RTN4IP1: variants seen among roughly 807,000 people sequenced by gnomAD.
RTN4IP1 encodes the protein reticulon 4 interacting protein 1, also known as NAD(P)H oxidoreductase RTN4IP1, mitochondrial.
Under a neutral mutation model 46.6 loss-of-function variants are expected in RTN4IP1, and 32 were observed. The ratio of observed to expected loss-of-function variants is 0.69; its 90% confidence interval spans 0.52 to 0.92. The LOEUF (loss-of-function observed/expected upper bound fraction) is 0.92, where lower values mean the gene tolerates loss of function less well. Among genes scored for constraint, RTN4IP1 ranks in the 40% least tolerant of loss-of-function variants. The probability of loss-of-function intolerance (pLI) is 0.00; values close to 1 mark genes in which losing one functional copy is unlikely to be tolerated. For missense variants in RTN4IP1, 424 were observed against 485.8 expected (o/e 0.87, Z 1.20); for synonymous variants, 167 against 161.8 (o/e 1.03, Z -0.24).
chr6:106,617,212 T>C (rs933080161), intron 4 of RTN4IP1, among the ~76,000 whole-genome samples: 1 of 152,230 alleles, frequency 6.6e-6, no homozygotes, highest in South Asian at 2.1e-4. Context: ...TATTTTGTGA[T>C]AATAGCCTGA....
At chr6:106,586,531 TGG>T (rs933158701) in intron 7 of RTN4IP1, among the ~76,000 whole-genome samples, 12 of 151,972 alleles carry the variant, frequency 7.9e-5, no homozygotes, top group African/African-American at 2.2e-4. Flanking sequence ...CCAACATACC[TGG>T]CAAATTTTTT....
intron 7 of RTN4IP1, chr6:106,583,711 C>T (rs1187720545): frequency 3.0e-6 from 1 of 331,804 alleles, no homozygotes; most frequent in African/African-American, 2.1e-5. Flanking sequence ...AAATGATCAT[C>T]TAAATGGTTT....
At chr6:106,597,158 G>C (rs1273789870) in intron 5 of RTN4IP1, among the ~76,000 whole-genome samples, 1 of 152,156 alleles carries the variant, frequency 6.6e-6, no homozygotes, top group Non-Finnish European at 1.5e-5. Context: ...CCTTAGAAAA[G>C]TGATGTGTCT....
intron 4 of RTN4IP1, among the ~76,000 whole-genome samples, chr6:106,611,367 C>T (rs1425925425): frequency 2.6e-5 from 4 of 152,064 alleles, no homozygotes; most frequent in Non-Finnish European, 5.9e-5. Context: ...CAAAATTGCC[C>T]CAGATTTATA....
chr6:106,605,816 C>CACAAAAA (rs1776053742), intron 4 of RTN4IP1, among the ~76,000 whole-genome samples: 1 of 4,490 alleles, frequency 2.2e-4, no homozygotes, highest in Non-Finnish European at 8.3e-4. Flanking sequence ...GACTCTGTCC[C>CACAAAAA]AAAAAAAAAA....
In RTN4IP1 at chr6:106,614,835, A is replaced by G. The variant is rs544087108; in HGVS notation, c.620+4367T>C. 3.3e-5 allele frequency among the ~76,000 whole-genome samples: 5 copies of G among 152,288 alleles called. No homozygotes were observed. The South Asian group carries it at 6.2e-4, about 19-fold the overall frequency. On this transcript the variant is annotated intron_variant, in intron 4 of 8. Coordinates refer to ENST00000369063, the MANE Select transcript of RTN4IP1 (RefSeq NM_032730.5). The stretch of plus-strand genomic sequence containing the variant: ...AAGGCTAGAAGCTAGATTACAGTCC[A>G]TTGAAGAGTAAATGACTTGTAACCT...
chr6:106,592,887 C>T (rs1775698258), intron 5 of RTN4IP1, among the ~76,000 whole-genome samples: 1 of 151,904 alleles, frequency 6.6e-6, no homozygotes, highest in South Asian at 2.1e-4. Flanking sequence ...CAAGATCGTG[C>T]CATCGCACTC....
chr6:106,629,065 G>A lies in RTN4IP1; in HGVS notation c.-44C>T. 4 of 1,559,482 alleles carry A rather than the reference G, an allele frequency of 2.6e-6. No homozygotes were observed. Among genetic ancestry groups the A allele is most frequent in the Non-Finnish European group, 3.5e-6 (4 of 1,151,380 alleles). On this transcript the variant is annotated 5_prime_UTR_variant, in exon 1 of 9. Coordinates refer to ENST00000369063, the MANE Select transcript of RTN4IP1 (RefSeq NM_032730.5). Reference sequence around the variant, plus strand: ...TGCGTGCTCAAATTCAAATACACTTGGACTGGATCAAACTCTCACCCCTGA... The same window carrying A: ...TGCGTGCTCAAATTCAAATACACTTAGACTGGATCAAACTCTCACCCCTGA...
Position 106,600,049 on chromosome 6 carries a change from G to A in RTN4IP1, c.669+2825C>T, listed in dbSNP as rs538992828. Among the ~76,000 whole-genome samples the A allele has an allele frequency of 2.0e-5, 3 of 151,996 alleles. No homozygotes were observed. The South Asian group carries it at 6.2e-4, about 32-fold the overall frequency. The stretch of plus-strand genomic sequence containing the variant: ...CTGGATTGGATTCTGATTATCAAAT[G>A]ATGAGTTAAAAGAAGTTAAAGTGTG... On this transcript the variant is annotated intron_variant, in intron 5 of 8. Transcript: ENST00000369063.
intron 3 of RTN4IP1, among the ~76,000 whole-genome samples, chr6:106,619,833 G>T: frequency 6.6e-6 from 1 of 151,658 alleles, no homozygotes; most frequent in African/African-American, 2.4e-5. Context: ...AGATGGTCTC[G>T]ATCTCCTGAC....
chr6:106,587,709 T>A lies in RTN4IP1; in HGVS notation c.960A>T (p.Thr320=), dbSNP rs1451777982. 3 of 1,613,180 alleles carry A rather than the reference T, an allele frequency of 1.9e-6. No individual in the cohort carries two copies. Among genetic ancestry groups the A allele is most frequent in the Non-Finnish European group, 2.5e-6 (3 of 1,179,870 alleles). ...RLGIADGMLQ[T]GVTVGSKALK... is the part of the protein sequence containing the mutation. ...ATGCCTTTGAACCTACAGTGACTCC[T>A]GTCTGCAACATGCCATCTGCTATGC... Residue 320 remains threonine, a synonymous_variant, in exon 7 of 9, where the codon ACA becomes ACT. Transcript: ENST00000369063.
At chr6:106,605,735 T>C (rs1776048439) in intron 4 of RTN4IP1, among the ~76,000 whole-genome samples, 1 of 142,280 alleles carries the variant, frequency 7.0e-6, no homozygotes, top group Non-Finnish European at 1.5e-5. Flanking sequence ...GAGAATAGCA[T>C]GAACCCGGGA....
intron 4 of RTN4IP1, among the ~76,000 whole-genome samples, chr6:106,618,712 CATTGAGACTG>C (rs1262746966): frequency 1.3e-5 from 2 of 152,126 alleles, no homozygotes; most frequent in Non-Finnish European, 2.9e-5. Context: ...GGATATTAGG[CATTGAGACTG>C]AGAGAACTTA....
intron 4 of RTN4IP1, among the ~76,000 whole-genome samples, chr6:106,615,406 A>G (rs1218219896): frequency 6.6e-6 from 1 of 151,270 alleles, no homozygotes; most frequent in African/African-American, 2.4e-5. Context: ...AAAACCTAAT[A>G]TCAAAAAAAA....
intron 4 of RTN4IP1, among the ~76,000 whole-genome samples, chr6:106,610,644 A>G (rs1462513177): frequency 3.3e-5 from 5 of 152,040 alleles, no homozygotes; most frequent in African/African-American, 9.7e-5. Context: ...GTTGGTTTAT[A>G]TAAAGTGTGT....
intron 4 of RTN4IP1, 94 bp from the exon 5 acceptor site, chr6:106,603,016 TA>T (rs1775983990): frequency 3.7e-6 from 3 of 812,326 alleles, no homozygotes; most frequent in Non-Finnish European, 3.9e-6. Flanking sequence ...GATAAGATGA[TA>T]AATAATTCTA....
At chr6:106,572,148 C>T (rs2114612778) in intron 8 of RTN4IP1, 45 bp from the exon 9 acceptor site, 2 of 1,432,014 alleles carry the variant, frequency 1.4e-6, no homozygotes, top group Non-Finnish European at 2.0e-6. Flanking sequence ...AAGCCTACAT[C>T]TTTCAAGGCA....
chr6:106,593,848 T>A (rs536142710), intron 5 of RTN4IP1, among the ~76,000 whole-genome samples: 1 of 152,334 alleles, frequency 6.6e-6, no homozygotes, highest in African/African-American at 2.4e-5. Context: ...AATGATACGT[T>A]GCTTTTCACA....
intron 7 of RTN4IP1, 103 bp downstream of exon 7, chr6:106,587,576 C>G: frequency 9.6e-7 from 1 of 1,036,638 alleles, no homozygotes; most frequent in East Asian, 2.4e-5. Flanking sequence ...TTGCAACCAC[C>G]GTGCTATGCG....
Sources: allele counts gnomAD v4.1 joint callset (sites outside exome capture counted in the v4.1 genomes callset), GRCh38; gene constraint gnomAD v4.1.1; transcripts MANE v1.5; gene names NCBI Gene and HGNC (gene_info 2026-07-23, HGNC 2026-07-21).